Variants in PI4KA observed in about 807,000 individuals in gnomAD.
PI4KA encodes the protein phosphatidylinositol 4-kinase alpha.
PI4KA carries 122 observed loss-of-function variants against 271.4 expected under a neutral mutation model. That is an observed-to-expected ratio of 0.45 (90% CI 0.39 to 0.52). PI4KA has a LOEUF of 0.52. Among genes scored for constraint, PI4KA ranks in the 20% least tolerant of loss-of-function variants. The pLI, the probability that PI4KA is intolerant of heterozygous loss-of-function variation, is 0.00. For missense variants in PI4KA, 1,969 were observed against 2,769.1 expected (o/e 0.71, Z 6.48); for synonymous variants, 1,041 against 1,078.8 (o/e 0.96, Z 0.69).
At chr22:20,804,230 C>A in intron 12 of PI4KA, 70 bp downstream of exon 12, 1 of 1,055,216 alleles carries the variant, frequency 9.5e-7, no homozygotes, top group Non-Finnish European at 1.5e-6. Context: ...ACAGCCTGAA[C>A]AGCAACAGCG....
At position 20,717,653 on chromosome 22, in the gene PI4KA, C is replaced by T. The variant is rs1394996593; in HGVS notation, c.5317+55G>A. The T allele has an allele frequency of 3.5e-5, 49 of 1,393,844 alleles. No individual in the cohort carries two copies. The Admixed American group carries it at 5.9e-4, about 17-fold the overall frequency. The allele number at this position is 1,393,844 out of a possible 1,614,324, so 86.3% of individuals were successfully genotyped here. Reference sequence around the variant, plus strand: ...GGAGAGGGCAGCAGCCTTCACGCCCCGCCGCCCGCCTGCAGGAAGAGGTTG... The same window carrying T: ...GGAGAGGGCAGCAGCCTTCACGCCCTGCCGCCCGCCTGCAGGAAGAGGTTG... On this transcript the variant is annotated intron_variant, in intron 45 of 54. Transcript: ENST00000255882.
rs1257216693 is a variant in PI4KA at position 20,727,882 on chromosome 22, T to C, written c.4683-18A>G. 1 of 1,602,056 alleles carries C rather than the reference T, an allele frequency of 6.2e-7. No homozygotes were observed. The highest frequency in any genetic ancestry group is 8.5e-7 in the Non-Finnish European group (1 of 1,169,784). Reference sequence around the variant, plus strand: ...TCTTAAACCTACAGTGCACAGAGGGTATGGGTGGTGCTGCCTCGCCAGGGA... The same window carrying C: ...TCTTAAACCTACAGTGCACAGAGGGCATGGGTGGTGCTGCCTCGCCAGGGA... On this transcript the variant is annotated intron_variant, in intron 39 of 54. Coordinates refer to ENST00000255882, the MANE Select transcript of PI4KA (RefSeq NM_058004.4).
At chr22:20,825,426 C>T (rs1923281595) in intron 3 of PI4KA, among the ~76,000 whole-genome samples, 1 of 152,128 alleles carries the variant, frequency 6.6e-6, no homozygotes, top group African/African-American at 2.4e-5. Flanking sequence ...AAAATACTAT[C>T]TCTACCGAAA....
At position 20,742,679 on chromosome 22, in the gene PI4KA, A is replaced by G; in HGVS notation, c.3542T>C (p.Leu1181Ser). ...KMMVQDLHSALDRSHPQHYTQ... is the reference protein window; with the variant it reads ...KMMVQDLHSASDRSHPQHYTQ... Reference sequence around the variant, plus strand: ...GTAGTGCTGAGGATGACTGCGGTCTAAAGCTGAATGTAGATCCTGGACCAT... The same window carrying G: ...GTAGTGCTGAGGATGACTGCGGTCTGAAGCTGAATGTAGATCCTGGACCAT... Residue 1181 changes from leucine to serine, a missense_variant, in exon 31 of 55, where the codon TTA becomes TCA. Transcript: ENST00000255882. The G allele has an allele frequency of 6.2e-7, 1 of 1,614,124 alleles. No individual in the cohort carries two copies. Among genetic ancestry groups the G allele is most frequent in the South Asian group, 1.1e-5 (1 of 91,080 alleles).
Position 20,753,099 on chromosome 22 carries a change from G to A in PI4KA, c.2862+11C>T, listed in dbSNP as rs529123428. ...AGCAGACAGACACGCATTCATGCTG[G>A]AGAGGCTTACTTTATCCGCCATCAT... On this transcript the variant is annotated intron_variant, in intron 24 of 54. Transcript: ENST00000255882. 8.1e-6 allele frequency: 13 copies of A among 1,614,178 alleles called. No individual in the cohort carries two copies. The highest frequency in any genetic ancestry group is 6.7e-5 in the African/African-American group (5 of 75,048).
At chr22:20,727,578 T>C in intron 40 of PI4KA, 181 bp from the exon 41 acceptor site, 1 of 681,124 alleles carries the variant, frequency 1.5e-6, no homozygotes, top group Non-Finnish European at 2.5e-6. Flanking sequence ...GTGAAGTGCA[T>C]TACATTTTTT....
At chr22:20,828,804 C>T (rs1302852756) in intron 3 of PI4KA, among the ~76,000 whole-genome samples, 3 of 152,142 alleles carry the variant, frequency 2.0e-5, no homozygotes, top group Non-Finnish European at 4.4e-5. Context: ...CCGCCCACCT[C>T]GGCCTCCCAA....
intron 23 of PI4KA, among the ~76,000 whole-genome samples, chr22:20,754,981 G>T (rs1354442397): frequency 3.3e-5 from 5 of 152,062 alleles, no homozygotes; most frequent in Non-Finnish European, 7.4e-5. Context: ...TAGGGACAGG[G>T]TATCGCTTTG....
At chr22:20,711,785 G>A (rs1288195810) in intron 50 of PI4KA, among the ~76,000 whole-genome samples, 2 of 151,850 alleles carry the variant, frequency 1.3e-5, no homozygotes, top group African/African-American at 4.8e-5. Context: ...TCGCTCTGTC[G>A]CCAGGCTGGA....
chr22:20,822,905 A>C lies in PI4KA; in HGVS notation c.456+1421T>G, dbSNP rs552178493. On this transcript the variant is annotated intron_variant, in intron 4 of 54. Coordinates refer to ENST00000255882, the MANE Select transcript of PI4KA (RefSeq NM_058004.4). The stretch of plus-strand genomic sequence containing the variant: ...AATCTACAAAAGCTTGAAAAGCAAT[A>C]GTTTTTCCATTTTATTTATTTATTT... Among the ~76,000 whole-genome samples, 8 of 152,198 alleles carry C rather than the reference A, an allele frequency of 5.3e-5. No individual in the cohort carries two copies. The East Asian group carries it at 1.4e-3, about 26-fold the overall frequency.
At chr22:20,750,835 C>G (rs891739252) in intron 27 of PI4KA, among the ~76,000 whole-genome samples, 2 of 152,222 alleles carry the variant, frequency 1.3e-5, no homozygotes, top group Admixed American at 1.3e-4. Context: ...CCAGTACATC[C>G]TCCTCTTTTG....
chr22:20,786,005 A>C (rs1934190367), intron 19 of PI4KA: 1 of 1,614,080 alleles, frequency 6.2e-7, no homozygotes. Context: ...TCTGTCTAGA[A>C]CTCGAGAAGT....
chr22:20,712,460 C>T, intron 50 of PI4KA, 26 bp downstream of exon 50: 2 of 1,606,834 alleles, frequency 1.2e-6, no homozygotes, highest in South Asian at 2.2e-5. Context: ...ACACGACCTC[C>T]CCCGGCCTGT....
In PI4KA at chr22:20,824,384, A is replaced by G; in HGVS notation, c.398T>C (p.Phe133Ser). The change falls in exon 4 of 55, where the codon TTC becomes TCC. Residue 133 changes from phenylalanine to serine, a missense_variant. By Grantham distance (155) the Phe-to-Ser change is radical. Around this residue, in one of 13 missense-constraint regions of PI4KA, gnomAD observed 540 missense variants for 555.5 expected, o/e 0.97. Transcript: ENST00000255882. ...ATCAGACAGCAGAGTTACCAAGCAG[A>G]AGCTGAAGCTCTCTGCAACCGGGAG... ...GALPVAESFS[F>S]CLVTLLSDVA... 1.9e-6 allele frequency: 3 copies of G among 1,613,416 alleles called. No individual in the cohort carries two copies. Among genetic ancestry groups the G allele is most frequent in the Non-Finnish European group, 2.5e-6 (3 of 1,179,712 alleles).
chr22:20,766,777 G>A (rs1185687417), intron 19 of PI4KA, among the ~76,000 whole-genome samples: 1 of 152,138 alleles, frequency 6.6e-6, no homozygotes, highest in Non-Finnish European at 1.5e-5. Context: ...TGTGGTAAGC[G>A]GGGGCTTTGC....
chr22:20,742,501 G>A (rs1181962590), intron 31 of PI4KA, 107 bp downstream of exon 31: 2 of 1,542,248 alleles, frequency 1.3e-6, no homozygotes, highest in Non-Finnish European at 1.8e-6. Context: ...CTCTACTGGG[G>A]GAGCTCCTGC....
intron 3 of PI4KA, among the ~76,000 whole-genome samples, chr22:20,827,453 T>C (rs1426298432): frequency 6.6e-6 from 1 of 152,224 alleles, no homozygotes; most frequent in Non-Finnish European, 1.5e-5. Context: ...ACTGTAGCCC[T>C]GTAGTAGAGG....
intron 2 of PI4KA, among the ~76,000 whole-genome samples, chr22:20,836,071 A>AAACAAAACAAAACAAAAAAC: frequency 6.6e-6 from 1 of 151,950 alleles, no homozygotes; most frequent in South Asian, 2.1e-4. Flanking sequence ...AAACAAAACA[A>AAACAAAACAAAACAAAAAAC]AACAAAACAA....
chr22:20,730,045 G>A lies in PI4KA; in HGVS notation c.4289-34C>T, dbSNP rs774199444. ...AAACACATTGTTGATTCTAGAGTGA[G>A]GTGGCTCAAGAAAAGGTACCACAAA... On this transcript the variant is annotated intron_variant, in intron 36 of 54. Coordinates refer to ENST00000255882, the MANE Select transcript of PI4KA (RefSeq NM_058004.4). The A allele has an allele frequency of 3.1e-6, 5 of 1,607,116 alleles. No individual in the cohort carries two copies. In the East Asian group the frequency reaches 6.7e-5, roughly 22 times the overall value.
Sources: gnomAD v4.1 joint callset for allele counts (sites outside exome capture counted in the v4.1 genomes callset) on GRCh38, gnomAD v4.1.1 for gene constraint, gnomAD v4.1.1 regional missense constraint, MANE v1.5 for transcripts, NCBI Gene and HGNC (gene_info 2026-07-23, HGNC 2026-07-21) for gene names.